SLC3A2: variants seen among roughly 807,000 people sequenced by gnomAD.
SLC3A2 encodes the protein amino acid transporter heavy chain SLC3A2.
SLC3A2 carries 32 observed loss-of-function variants against 48.5 expected under a neutral mutation model. That is an observed-to-expected ratio of 0.66 (90% CI 0.50 to 0.89). The LOEUF (loss-of-function observed/expected upper bound fraction) is 0.89. Among genes scored for constraint, SLC3A2 ranks in the 40% least tolerant of loss-of-function variants. The pLI is 0.00. For missense variants in SLC3A2, 587 were observed against 680.7 expected (o/e 0.86, Z 1.53); for synonymous variants, 277 against 288.8 (o/e 0.96, Z 0.41).
intron 7 of SLC3A2, 52 bp from the exon 8 acceptor site, chr11:62,888,083 C>T: frequency 6.6e-7 from 1 of 1,508,802 alleles, no homozygotes; most frequent in Non-Finnish European, 9.2e-7. Flanking sequence ...AGATGTGAGC[C>T]ACCATGCCTG....
At position 62,857,523 on chromosome 11, in the gene SLC3A2, C is replaced by CA. The variant is rs1021867968; in HGVS notation, c.112+1150dup. Among the ~76,000 whole-genome samples, 21 of 151,164 alleles carry CA rather than the reference C, an allele frequency of 1.4e-4. No homozygotes were observed. The South Asian group carries it at 2.7e-3, about 20-fold the overall frequency. On this transcript the variant is annotated intron_variant, in intron 1 of 9. Coordinates refer to the SLC3A2 transcript ENST00000377889. The stretch of plus-strand genomic sequence containing the variant: ...AGTGAGAAACCCATACCGATCTCTA[C>CA]AAAAAAAATAGAAAAAATTAGCCAG...
rs143377797 is a variant in SLC3A2 at position 62,888,485 on chromosome 11, G to A, written c.1382G>A (p.Arg461His). The change falls in exon 9 of 9, where the codon CGT becomes CAT. Residue 461 changes from arginine (R) to histidine (H), a missense_variant. Transcript: ENST00000338663. The stretch of plus-strand genomic sequence containing the variant: ...ATCCGCCACTGGGACCAGAATGAGC[G>A]TTTTCTGGTAGTGCTTAACTTTGGG... ...SYIRHWDQNERFLVVLNFGDV... is the reference protein window; with the variant it reads ...SYIRHWDQNEHFLVVLNFGDV... 1,450 of 1,614,230 alleles carry A rather than the reference G, an allele frequency of 9.0e-4. No homozygotes were observed. Among genetic ancestry groups the A allele is most frequent in the Non-Finnish European group, 1.1e-3 (1,351 of 1,180,040 alleles).
At chr11:62,869,356 C>G (rs182149501) in intron 1 of SLC3A2, among the ~76,000 whole-genome samples, 49 of 151,154 alleles carry the variant, frequency 3.2e-4, no homozygotes, top group African/African-American at 9.2e-4. Flanking sequence ...AACCCTGTCT[C>G]TACTAAAAAT....
intron 1 of SLC3A2, chr11:62,871,432 G>A: frequency 3.0e-6 from 1 of 329,032 alleles, no homozygotes; most frequent in South Asian, 8.4e-5. Context: ...TAGAGACGGA[G>A]TTTTGCCTCA....
In SLC3A2 at chr11:62,870,852, AATAATTATT is replaced by A. The variant is rs779990407; in HGVS notation, c.113-10164_113-10156del. 147 of 111,446 alleles carry A rather than the reference AATAATTATT, an allele frequency of 1.3e-3. 1 individual carries two copies. Among genetic ancestry groups the A allele is most frequent in the African/African-American group, 3.5e-3 (62 of 17,506 alleles). The allele number at this position is 111,446 out of a possible 1,614,324, so 6.9% of individuals were successfully genotyped here. A position where few individuals can be genotyped will look rare whatever the true frequency, so the allele number is the denominator to read the frequency against. ...CGAGATGATAGGTAATAATAATAAT[AATAATTATT>A]ATTATTATTATTATTATTATTATTA... On this transcript the variant is annotated intron_variant, in intron 1 of 9. Transcript: ENST00000377889.
At position 62,888,673 on chromosome 11, in the gene SLC3A2, C is replaced by T. The variant is rs368656690; in HGVS notation, c.1570C>T (p.Arg524Cys). 1.6e-5 allele frequency: 25 copies of T among 1,598,100 alleles called. No homozygotes were observed. The highest frequency in any genetic ancestry group is 8.4e-5 in the Admixed American group (5 of 59,818). Residue 524 changes from arginine (R) to cysteine (C), a missense_variant, in exon 9 of 9, where the codon CGC (arginine) becomes TGC (cysteine). By Grantham distance (180) the Arg-to-Cys change is radical. Transcript: ENST00000338663. ...GGAGCCTCACGAAGGGCTGCTGCTCCGCTTCCCCTACGCGGCCTGACTTCA... is the reference window on the plus strand; with the variant it reads ...GGAGCCTCACGAAGGGCTGCTGCTCTGCTTCCCCTACGCGGCCTGACTTCA... ...KLEPHEGLLL[R>C]FPYAA
intron 1 of SLC3A2, among the ~76,000 whole-genome samples, chr11:62,866,414 G>A (rs761022216): frequency 4.6e-5 from 7 of 151,390 alleles, no homozygotes; most frequent in Non-Finnish European, 1.0e-4. Flanking sequence ...TTGGCAGGTG[G>A]GGGGGTGGTC....
intron 1 of SLC3A2, among the ~76,000 whole-genome samples, chr11:62,865,798 A>G (rs1039929752): frequency 1.3e-5 from 2 of 152,042 alleles, no homozygotes; most frequent in Non-Finnish European, 2.9e-5. Flanking sequence ...CCCCTGCAAC[A>G]TTGACAGTTT....
upstream of SLC3A2, chr11:62,876,742 C>T (rs117818261): frequency 0.011 from 2,556 of 227,050 alleles, 23 homozygotes; most frequent in Non-Finnish European, 0.016. Flanking sequence ...GCTGAAATTA[C>T]AGGCACGCAC....
chr11:62,858,817 T>A (rs573376009), intron 1 of SLC3A2, among the ~76,000 whole-genome samples: 4 of 152,296 alleles, frequency 2.6e-5, no homozygotes, highest in African/African-American at 7.2e-5. Context: ...AAGGATTAAG[T>A]GCTGTGCTTT....
intron 1 of SLC3A2, among the ~76,000 whole-genome samples, chr11:62,861,910 CAAA>C (rs1189861840): frequency 3.4e-5 from 2 of 59,180 alleles, no homozygotes; most frequent in Non-Finnish European, 7.2e-5. Context: ...AAACCTCTCT[CAAA>C]AAAAAAAAAA....
intron 1 of SLC3A2, among the ~76,000 whole-genome samples, chr11:62,870,024 C>G (rs2085494651): frequency 6.6e-6 from 1 of 151,810 alleles, no homozygotes; most frequent in Admixed American, 6.6e-5. Flanking sequence ...GTCTCGAACT[C>G]CTGACCTTGT....
At chr11:62,856,398 T>C (rs1344858320) in intron 1 of SLC3A2, 2 of 1,591,224 alleles carry the variant, frequency 1.3e-6, no homozygotes, top group South Asian at 1.1e-5. Context: ...GATCCCGGGC[T>C]AAGCTCGGGA....
At chr11:62,861,237 A>C (rs1406796546) in intron 1 of SLC3A2, among the ~76,000 whole-genome samples, 1 of 151,940 alleles carries the variant, frequency 6.6e-6, no homozygotes, top group Non-Finnish European at 1.5e-5. Flanking sequence ...GGGGAGGCTG[A>C]GGTGGGGAGG....
Position 62,881,090 on chromosome 11 carries a change from C to T in SLC3A2, c.67C>T (p.Pro23Ser). Residue 23 changes from proline (P) to serine (S), a missense_variant, in exon 1 of 9, where the codon CCG becomes TCG. Coordinates refer to ENST00000338663, the MANE Select transcript of SLC3A2 (RefSeq NM_001013251.3). This position sits in a 1 kb window ranked among gnomAD's most constrained non-coding sequence, Gnocchi z 4.0. ...ELNELEPEKQ[P>S]MNAASGAAMS... Reference sequence around the variant, plus strand: ...GAATGAGTTAGAGCCCGAGAAGCAGCCGATGAACGCGGCGTCTGGGGCGGC... The same window carrying T: ...GAATGAGTTAGAGCCCGAGAAGCAGTCGATGAACGCGGCGTCTGGGGCGGC... The T allele has an allele frequency of 6.2e-7, 1 of 1,609,240 alleles. No homozygotes were observed. The highest frequency in any genetic ancestry group is 1.3e-5 in the African/African-American group (1 of 75,030).
chr11:62,859,437 A>T (rs1456407168), intron 1 of SLC3A2, among the ~76,000 whole-genome samples: 3 of 152,200 alleles, frequency 2.0e-5, no homozygotes, highest in Non-Finnish European at 4.4e-5. Context: ...CTTTCTACAC[A>T]GACACAGTAA....
At chr11:62,865,585 T>G (rs1043490904) in intron 1 of SLC3A2, among the ~76,000 whole-genome samples, 1 of 139,942 alleles carries the variant, frequency 7.1e-6, no homozygotes, top group Non-Finnish European at 1.6e-5. Flanking sequence ...AAAAAAAAAG[T>G]TGGCTTAGAT....
chr11:62,880,931 G>A lies in SLC3A2; in HGVS notation c.-93G>A. The stretch of plus-strand genomic sequence containing the variant: ...GCCGAAACTGCGCGGAGGCACAGAG[G>A]CCGGGGAGAGCGTTCTGGGTCCGAG... On this transcript the variant is annotated 5_prime_UTR_variant, in exon 1 of 9. Transcript: ENST00000338663. 4.1e-6 allele frequency: 6 copies of A among 1,472,346 alleles called. No homozygotes were observed. Among genetic ancestry groups the A allele is most frequent in the Non-Finnish European group, 5.4e-6 (6 of 1,112,314 alleles). 91.2% of individuals were successfully genotyped at this position (1,472,346 alleles called of 1,614,324 possible).
chr11:62,880,157 G>T (rs1242294337), upstream of SLC3A2, among the ~76,000 whole-genome samples: 1 of 152,154 alleles, frequency 6.6e-6, no homozygotes, highest in Non-Finnish European at 1.5e-5. Flanking sequence ...GCTGGGGGTG[G>T]GGTAGGATAA....
Sources: allele counts gnomAD v4.1 joint callset (sites outside exome capture counted in the v4.1 genomes callset), GRCh38; gene constraint gnomAD v4.1.1; non-coding constraint Gnocchi (gnomAD v3.1); transcripts MANE v1.5; gene names NCBI Gene and HGNC (gene_info 2026-07-23, HGNC 2026-07-21).